Variants in CA12 observed in about 807,000 individuals in gnomAD.
The protein encoded by CA12 is carbonate dehydratase XII.
In CA12, 36 loss-of-function variants were observed where a neutral mutation model predicts 46.8. The observed-to-expected ratio is 0.77, with a 90% CI of 0.59 to 1.02. The LOEUF is 1.02. CA12 is among the 50% of genes least tolerant of loss of function. The pLI is 0.00. For missense variants in CA12, 436 were observed against 451.4 expected, an observed-to-expected ratio of 0.97 and a Z score of 0.31; for synonymous variants, 202 against 187.0, an observed-to-expected ratio of 1.08 and a Z score of -0.65.
At position 63,327,161 on chromosome 15, in the gene CA12, A is replaced by G; in HGVS notation, c.980T>C (p.Phe327Ser). Residue 327 changes from phenylalanine (F) to serine (S), a missense_variant, in exon 10 of 11, where the codon TTC becomes TCC. Phe to Ser is a radical substitution (Grantham distance 155). Coordinates refer to ENST00000178638, the MANE Select transcript of CA12 (RefSeq NM_001218.5). This position sits in a 1 kb window ranked among gnomAD's most constrained non-coding sequence, Gnocchi z 4.5. Reference sequence around the variant, plus strand: ...CAAACCAGCTCACCTCTTCCTTCTGAAAAGCCAAATGGACACCACCACCAC... The same window carrying G: ...CAAACCAGCTCACCTCTTCCTTCTGGAAAGCCAAATGGACACCACCACCAC... The part of the protein sequence containing the change: ...CIVVVVSIWL[F>S]RRKSIKKGDN... 3 of 1,614,014 alleles carry G rather than the reference A, an allele frequency of 1.9e-6. No homozygotes were observed. The highest frequency in any genetic ancestry group is 2.5e-6 in the Non-Finnish European group (3 of 1,179,924).
intron 2 of CA12, among the ~76,000 whole-genome samples, chr15:63,359,654 C>T (rs1377222049): frequency 1.3e-5 from 2 of 152,152 alleles, no homozygotes; most frequent in South Asian, 2.1e-4. Flanking sequence ...GTTCTACATG[C>T]TTCAGAAATG....
intron 8 of CA12, among the ~76,000 whole-genome samples, chr15:63,338,201 A>G (rs2039027132): frequency 6.6e-6 from 1 of 152,178 alleles, no homozygotes; most frequent in African/African-American, 2.4e-5. Flanking sequence ...CAAGCTATTA[A>G]GTTTTGTTCA....
Position 63,328,107 on chromosome 15 carries a change from G to A in CA12, c.898C>T (p.Leu300=), listed in dbSNP as rs1445249350. 6.2e-7 allele frequency: 1 copy of A among 1,614,068 alleles called. No homozygotes were observed. Among genetic ancestry groups the A allele is most frequent in the Non-Finnish European group, 8.5e-7 (1 of 1,179,952 alleles). ...CTGCCCAGCCACATACCCAGACTCAGTCCTGCCGCAGTACAGACTTGCACT... is the reference window on the plus strand; with the variant it reads ...CTGCCCAGCCACATACCCAGACTCAATCCTGCCGCAGTACAGACTTGCACT... The part of the protein sequence containing the change: ...SQVQVCTAAG[L]SLGIILSLAL... The change falls in exon 9 of 11, where the codon CTG becomes TTG. Residue 300 remains leucine (L), a synonymous_variant. Coordinates refer to ENST00000178638, the MANE Select transcript of CA12 (RefSeq NM_001218.5). This position sits in a 1 kb window ranked among gnomAD's most constrained non-coding sequence, Gnocchi z 5.9.
chr15:63,367,645 C>T (rs2039453333), intron 2 of CA12, among the ~76,000 whole-genome samples: 1 of 152,186 alleles, frequency 6.6e-6, no homozygotes, highest in African/African-American at 2.4e-5. Context: ...CCATAGCTGA[C>T]CTAGTCACGA....
In CA12 at chr15:63,345,181, A is replaced by C. The variant is rs907671265; in HGVS notation, c.429+296T>G. Among the ~76,000 whole-genome samples the C allele has an allele frequency of 6.6e-6, 1 of 152,258 alleles. No individual in the cohort carries two copies. Among genetic ancestry groups the C allele is most frequent in the Non-Finnish European group, 1.5e-5 (1 of 68,042 alleles). On this transcript the variant is annotated intron_variant, in intron 4 of 10. Coordinates refer to ENST00000178638, the MANE Select transcript of CA12 (RefSeq NM_001218.5). The surrounding 1 kb of genome is among the most constrained non-coding windows in gnomAD (Gnocchi z 4.3). ...AGATAGGAAGGCAATGTCTAAAAGA[A>C]GGGCATGTATGTCCCACTGGGCCAC...
In CA12 at chr15:63,348,850, T is replaced by C. The variant is rs2039188012; in HGVS notation, c.107-2141A>G. Among the ~76,000 whole-genome samples the C allele has an allele frequency of 6.6e-6, 1 of 152,330 alleles. No homozygotes were observed. Among genetic ancestry groups the C allele is most frequent in the East Asian group, 1.9e-4 (1 of 5,184 alleles). ...CCCCCATGGGCATTTAGGAAACATTTTCCCAAAGAGTGAAAAAGAACAGAG... is the reference window on the plus strand; with the variant it reads ...CCCCCATGGGCATTTAGGAAACATTCTCCCAAAGAGTGAAAAAGAACAGAG... On this transcript the variant is annotated intron_variant, in intron 2 of 10. Coordinates refer to ENST00000178638, the MANE Select transcript of CA12 (RefSeq NM_001218.5). The surrounding 1 kb of genome is among the most constrained non-coding windows in gnomAD (Gnocchi z 4.6).
At position 63,341,220 on chromosome 15, in the gene CA12, T is replaced by C. The variant is rs2039075140; in HGVS notation, c.526-437A>G. ...GCCAATCAGAAGACATTCCTCTATC[T>C]TGGGATAAAAAAAGAATTCATTCCA... On this transcript the variant is annotated intron_variant, in intron 5 of 10. Coordinates refer to ENST00000178638, the MANE Select transcript of CA12 (RefSeq NM_001218.5). The surrounding 1 kb of genome is among the most constrained non-coding windows in gnomAD (Gnocchi z 5.2). Among the ~76,000 whole-genome samples the C allele has an allele frequency of 6.6e-6, 1 of 152,132 alleles. No individual in the cohort carries two copies. The highest frequency in any genetic ancestry group is 2.4e-5 in the African/African-American group (1 of 41,434).
At chr15:63,336,651 A>G (rs900814610) in intron 8 of CA12, among the ~76,000 whole-genome samples, 2 of 149,890 alleles carry the variant, frequency 1.3e-5, no homozygotes, top group Non-Finnish European at 2.9e-5. Flanking sequence ...CCCGGGTTCA[A>G]GCGATTCTCC....
rs1187000553 is a variant in CA12, at chr15:63,373,154, C to G, written c.106+2504G>C. On this transcript the variant is annotated intron_variant, in intron 2 of 10. Coordinates refer to ENST00000178638, the MANE Select transcript of CA12 (RefSeq NM_001218.5). This position sits in a 1 kb window ranked among gnomAD's most constrained non-coding sequence, Gnocchi z 4.9. ...CCGAGGTGGGCAGAACACTTGAGAT[C>G]AGGAGTTCGAGACCAGCCTGGCCAT... Among the ~76,000 whole-genome samples, 2 of 152,178 alleles carry G rather than the reference C, an allele frequency of 1.3e-5. No individual in the cohort carries two copies. The highest frequency in any genetic ancestry group is 3.9e-4 in the East Asian group (2 of 5,194).
chr15:63,371,408 G>T (rs773360958), intron 2 of CA12, among the ~76,000 whole-genome samples: 2 of 152,122 alleles, frequency 1.3e-5, no homozygotes, highest in African/African-American at 4.8e-5. Flanking sequence ...CGAGGGCCAC[G>T]AGGGCTGGCC....
intron 2 of CA12, among the ~76,000 whole-genome samples, chr15:63,370,841 T>G (rs2039495342): frequency 6.6e-6 from 1 of 151,978 alleles, no homozygotes. Flanking sequence ...TGAGAGTACT[T>G]TGTGCCCCTT....
chr15:63,380,574 G>A (rs1196605144), intron 1 of CA12, among the ~76,000 whole-genome samples: 2 of 152,158 alleles, frequency 1.3e-5, no homozygotes, highest in Admixed American at 1.3e-4. Flanking sequence ...CCCAACTTCT[G>A]TTACATCGCT....
chr15:63,372,888 A>G lies in CA12; in HGVS notation c.106+2770T>C, dbSNP rs1279538608. Among the ~76,000 whole-genome samples, 1 of 152,220 alleles carries G rather than the reference A, an allele frequency of 6.6e-6. No homozygotes were observed. Among genetic ancestry groups the G allele is most frequent in the East Asian group, 1.9e-4 (1 of 5,198 alleles). Reference sequence around the variant, plus strand: ...CTTTGTGCTTACCCCATGCATGTCCATGCATCATTAGACTCTGCCCTCTGC... The same window carrying G: ...CTTTGTGCTTACCCCATGCATGTCCGTGCATCATTAGACTCTGCCCTCTGC... On this transcript the variant is annotated intron_variant, in intron 2 of 10. Coordinates refer to ENST00000178638, the MANE Select transcript of CA12 (RefSeq NM_001218.5). This position sits in a 1 kb window ranked among gnomAD's most constrained non-coding sequence, Gnocchi z 4.5.
intron 1 of CA12, 121 bp from the exon 2 acceptor site, chr15:63,375,799 C>A: frequency 7.6e-6 from 5 of 655,754 alleles, no homozygotes; most frequent in Non-Finnish European, 1.3e-5. Flanking sequence ...GAAATTGAAA[C>A]TTTTTCTTTT....
intron 3 of CA12, among the ~76,000 whole-genome samples, chr15:63,346,129 T>A (rs1415570952): frequency 6.6e-6 from 1 of 152,232 alleles, no homozygotes; most frequent in Non-Finnish European, 1.5e-5. Context: ...TAGATTCTCA[T>A]GGCTCGTAAG....
intron 8 of CA12, among the ~76,000 whole-genome samples, chr15:63,336,367 G>A (rs1236907719): frequency 2.0e-5 from 3 of 152,004 alleles, no homozygotes; most frequent in African/African-American, 2.4e-5. Context: ...CGTTACAAGC[G>A]GGGGTTACTT....
intron 2 of CA12, among the ~76,000 whole-genome samples, chr15:63,358,615 G>A (rs2039321338): frequency 3.3e-5 from 5 of 152,180 alleles, no homozygotes; most frequent in South Asian, 2.1e-4. Flanking sequence ...TAGGTGAGAA[G>A]CCATGACTTG....
Position 63,374,430 on chromosome 15 carries a change from C to G in CA12, c.106+1228G>C, listed in dbSNP as rs550349679. Among the ~76,000 whole-genome samples, 1 of 152,318 alleles carries G rather than the reference C, an allele frequency of 6.6e-6. No individual in the cohort carries two copies. Among genetic ancestry groups the G allele is most frequent in the South Asian group, 2.1e-4 (1 of 4,824 alleles). ...CCTTTGAGCACTCAGATCTCTGAAG[C>G]ATTTGTTTATGATGTTATTATTACC... On this transcript the variant is annotated intron_variant, in intron 2 of 10. Coordinates refer to ENST00000178638, the MANE Select transcript of CA12 (RefSeq NM_001218.5). The surrounding 1 kb of genome is among the most constrained non-coding windows in gnomAD (Gnocchi z 4.4).
chr15:63,338,435 A>G (rs2039031417), intron 8 of CA12, among the ~76,000 whole-genome samples: 3 of 152,200 alleles, frequency 2.0e-5, no homozygotes, highest in Admixed American at 1.3e-4. Context: ...CTTTGATGCC[A>G]AGAAAGCCTA....
Sources: allele counts gnomAD v4.1 joint callset (sites outside exome capture counted in the v4.1 genomes callset), GRCh38; gene constraint gnomAD v4.1.1; non-coding constraint Gnocchi (gnomAD v3.1); transcripts MANE v1.5; gene names NCBI Gene and HGNC (gene_info 2026-07-23, HGNC 2026-07-21).